Variants in RBM19 observed in about 807,000 individuals in gnomAD.
RBM19 encodes the protein probable RNA-binding protein 19.
A neutral mutation model predicts 116.8 loss-of-function variants in RBM19; 94 were observed. The ratio of observed to expected loss-of-function variants is 0.80; its 90% confidence interval spans 0.68 to 0.95. The LOEUF is 0.95. Among genes scored for constraint, RBM19 ranks in the 40% least tolerant of loss-of-function variants. RBM19 has a pLI of 0.00. For synonymous variants in RBM19, 475 were observed against 494.1 expected (o/e 0.96, Z 0.51); for missense variants, 1,161 against 1,220.7 (o/e 0.95, Z 0.73).
chr12:113,940,555 G>A (rs899996212), intron 14 of RBM19, among the ~76,000 whole-genome samples: 11 of 152,272 alleles, frequency 7.2e-5, no homozygotes, highest in African/African-American at 2.4e-4. Flanking sequence ...CAGAGCTAAC[G>A]CCCCCTGGGA....
downstream of RBM19, among the ~76,000 whole-genome samples, chr12:113,820,710 C>T (rs1341673107): frequency 6.6e-6 from 1 of 152,160 alleles, no homozygotes; most frequent in East Asian, 1.9e-4. Context: ...GACTCCACTA[C>T]TCCTGTGTGC....
chr12:113,917,624 C>T (rs1882845658), intron 20 of RBM19, among the ~76,000 whole-genome samples: 1 of 152,184 alleles, frequency 6.6e-6, no homozygotes, highest in African/African-American at 2.4e-5. Context: ...GCTAATTTGC[C>T]GGATGACCAC....
At chr12:113,962,508 A>C in intron 1 of RBM19, 94 bp from the exon 2 acceptor site, 4 of 1,295,048 alleles carry the variant, frequency 3.1e-6, no homozygotes, top group Non-Finnish European at 4.3e-6. Context: ...GAGATTCTCC[A>C]AGGGTGGCCT....
At chr12:113,900,986 A>G (rs1225982089) in intron 21 of RBM19, among the ~76,000 whole-genome samples, 1 of 152,188 alleles carries the variant, frequency 6.6e-6, no homozygotes, top group Non-Finnish European at 1.5e-5. Flanking sequence ...CAATATGGAG[A>G]ATCTGGAGAG....
chr12:113,883,238 G>A (rs1317224302), intron 21 of RBM19, among the ~76,000 whole-genome samples: 1 of 152,248 alleles, frequency 6.6e-6, no homozygotes, highest in Non-Finnish European at 1.5e-5. Context: ...AGGAAATGGT[G>A]AACAGACTGA....
intron 12 of RBM19, 71 bp from the exon 13 acceptor site, chr12:113,945,995 T>A (rs2290792): frequency 0.077 from 107,652 of 1,389,502 alleles, 4,837 homozygotes; most frequent in African/African-American, 0.16. Flanking sequence ...CAGACACGAA[T>A]CCTGTAAGAA....
At chr12:113,934,771 G>A (rs1174553311) in intron 16 of RBM19, among the ~76,000 whole-genome samples, 1 of 152,204 alleles carries the variant, frequency 6.6e-6, no homozygotes. Flanking sequence ...TGTCACCACT[G>A]TGTTCTGAGG....
At chr12:113,819,400 G>A (rs1465253235), downstream of RBM19, among the ~76,000 whole-genome samples, 1 of 152,104 alleles carries the variant, frequency 6.6e-6, no homozygotes, top group Non-Finnish European at 1.5e-5. Flanking sequence ...TCTCTTTCCC[G>A]GCTCTCTGGT....
intron 18 of RBM19, among the ~76,000 whole-genome samples, chr12:113,922,189 A>G (rs1868636133): frequency 6.6e-6 from 1 of 152,142 alleles, no homozygotes; most frequent in African/African-American, 2.4e-5. Flanking sequence ...GCGGAAAGGC[A>G]TTCTTCCTGT....
At chr12:113,941,275 T>C (rs1028394427) in intron 14 of RBM19, among the ~76,000 whole-genome samples, 1 of 151,864 alleles carries the variant, frequency 6.6e-6, no homozygotes, top group Non-Finnish European at 1.5e-5. Flanking sequence ...CTGTGGGCCT[T>C]TTAGGTGCAA....
At chr12:113,876,810 C>T (rs1418129565) in intron 21 of RBM19, among the ~76,000 whole-genome samples, 1 of 151,866 alleles carries the variant, frequency 6.6e-6, no homozygotes, top group Non-Finnish European at 1.5e-5. Context: ...AGTAATAATA[C>T]AATAAAAAAT....
At chr12:113,961,821 G>A (rs1049646495) in intron 2 of RBM19, among the ~76,000 whole-genome samples, 5 of 152,254 alleles carry the variant, frequency 3.3e-5, no homozygotes, top group Admixed American at 6.5e-5. Context: ...CCTGCCCAGA[G>A]ACAGCAGGCT....
chr12:113,841,724 CAGG>C (rs1339812432), intron 23 of RBM19, among the ~76,000 whole-genome samples: 4 of 152,138 alleles, frequency 2.6e-5, no homozygotes, highest in Non-Finnish European at 4.4e-5. Context: ...TGCGCCTGGC[CAGG>C]AGTTTTTTCT....
In RBM19 at chr12:113,828,099, CAAA is replaced by C. The variant is rs34234377; in HGVS notation, c.2786-4781_2786-4779del. ...GCAACAGCAGCTCTCGACTCTGTCTCAAAAAAAAAAAAAAAAAAAAAAGTGACC... is the reference window on the plus strand; with the variant it reads ...GCAACAGCAGCTCTCGACTCTGTCTCAAAAAAAAAAAAAAAAAAAGTGACC... On this transcript the variant is annotated intron_variant, in intron 23 of 23. Coordinates refer to ENST00000261741, the MANE Select transcript of RBM19 (RefSeq NM_016196.4). Among the ~76,000 whole-genome samples, 666 of 67,290 alleles carry C rather than the reference CAAA, an allele frequency of 9.9e-3. 6 individuals are homozygous for C. The highest frequency in any genetic ancestry group is 0.037 in the African/African-American group (631 of 17,222). The allele number at this position is 67,290 out of a possible 152,430, so 44.1% of individuals were successfully genotyped here. A position where few individuals can be genotyped will look rare whatever the true frequency, so the allele number is the denominator to read the frequency against.
chr12:113,963,803 T>C (rs79831570), intron 1 of RBM19, among the ~76,000 whole-genome samples: 6,474 of 152,312 alleles, frequency 0.043, 338 homozygotes, highest in Admixed American at 0.15. Flanking sequence ...AGATCTGCCC[T>C]GACCAACCTC....
At chr12:113,869,890 A>C (rs1879097292) in intron 21 of RBM19, among the ~76,000 whole-genome samples, 1 of 152,210 alleles carries the variant, frequency 6.6e-6, no homozygotes, top group Non-Finnish European at 1.5e-5. Flanking sequence ...TGTGGTGAAC[A>C]TTGTGCCTAA....
At chr12:113,857,879 T>C (rs1258680311) in intron 22 of RBM19, among the ~76,000 whole-genome samples, 1 of 152,250 alleles carries the variant, frequency 6.6e-6, no homozygotes, top group Non-Finnish European at 1.5e-5. Flanking sequence ...CCAGGAAATG[T>C]TCACTGTTCT....
chr12:113,917,446 C>T (rs11066812), intron 20 of RBM19, among the ~76,000 whole-genome samples: 6,034 of 152,274 alleles, frequency 0.04, 146 homozygotes, highest in Middle Eastern at 0.095. Flanking sequence ...AGCTCAGGAA[C>T]CCCCACTAGA....
chr12:113,816,942 T>C (rs574628271), exon 25 of RBM19: 2 of 152,182 alleles, frequency 1.3e-5, no homozygotes, highest in South Asian at 2.1e-4. Context: ...GCGCTCACTC[T>C]CCCTTCCCCG....
Sources: allele counts gnomAD v4.1 joint callset (sites outside exome capture counted in the v4.1 genomes callset), GRCh38; gene constraint gnomAD v4.1.1; transcripts MANE v1.5; gene names NCBI Gene and HGNC (gene_info 2026-07-23, HGNC 2026-07-21).